SPIRE2: variants seen among roughly 807,000 people sequenced by gnomAD.
SPIRE2 encodes protein spire homolog 2.
Under a neutral mutation model 80.7 loss-of-function variants are expected in SPIRE2, and 76 were observed. The ratio of observed to expected loss-of-function variants is 0.94; its 90% CI spans 0.78 to 1.14. The LOEUF is 1.14. SPIRE2 is among the 50% of genes most tolerant of loss of function. The pLI is 0.00. For synonymous variants in SPIRE2, 535 were observed against 432.6 expected (o/e 1.24, Z -2.94); for missense variants, 1,196 against 1,015.3 (o/e 1.18, Z -2.42).
At chr16:89,855,026 C>T (rs1487882669) in intron 5 of SPIRE2, among the ~76,000 whole-genome samples, 1 of 152,128 alleles carries the variant, frequency 6.6e-6, no homozygotes, top group African/African-American at 2.4e-5. Context: ...GCAAGCTCCA[C>T]CTCCTGGGTT....
chr16:89,837,459 T>G (rs2041461120), intron 1 of SPIRE2, among the ~76,000 whole-genome samples: 1 of 152,196 alleles, frequency 6.6e-6, no homozygotes, highest in African/African-American at 2.4e-5. Flanking sequence ...ACAGGGGTGC[T>G]TCTTAGCCAG....
intron 1 of SPIRE2, among the ~76,000 whole-genome samples, chr16:89,836,755 G>A (rs996570657): frequency 4.6e-5 from 7 of 151,578 alleles, no homozygotes; most frequent in African/African-American, 1.5e-4. Flanking sequence ...CAAGGCAGGC[G>A]GATCACCTGA....
intron 1 of SPIRE2, among the ~76,000 whole-genome samples, chr16:89,835,400 T>C (rs2041438684): frequency 6.6e-6 from 1 of 152,130 alleles, no homozygotes; most frequent in Non-Finnish European, 1.5e-5. Context: ...TTCCAGGCCC[T>C]CCTACACCGA....
intron 1 of SPIRE2, among the ~76,000 whole-genome samples, chr16:89,832,646 C>T (rs1245635612): frequency 6.6e-6 from 1 of 152,112 alleles, no homozygotes; most frequent in Non-Finnish European, 1.5e-5. Flanking sequence ...AGCTCAGGCC[C>T]TGCTTCTATT....
intron 1 of SPIRE2, chr16:89,836,275 C>T (rs767929642): frequency 1.5e-5 from 7 of 456,028 alleles, no homozygotes; most frequent in South Asian, 9.3e-5. Context: ...GGACCCTCAA[C>T]TGCCACTGTA....
At chr16:89,831,308 T>C (rs1462175023) in intron 1 of SPIRE2, among the ~76,000 whole-genome samples, 1 of 151,060 alleles carries the variant, frequency 6.6e-6, no homozygotes, top group East Asian at 1.9e-4. Flanking sequence ...TCACCTGCCC[T>C]CTTCACCCTG....
chr16:89,831,728 G>A (rs1459565815), intron 1 of SPIRE2, among the ~76,000 whole-genome samples: 2 of 151,064 alleles, frequency 1.3e-5, no homozygotes, highest in Non-Finnish European at 3.0e-5. Flanking sequence ...GGCAGGCCCC[G>A]CTCTTTACGC....
Position 89,863,545 on chromosome 16 carries a change from G to A in SPIRE2, c.1645G>A (p.Val549Met). 6.2e-7 allele frequency: 1 copy of A among 1,614,110 alleles called. No individual in the cohort carries two copies. Among genetic ancestry groups the A allele is most frequent in the Non-Finnish European group, 8.5e-7 (1 of 1,180,042 alleles). ...GGTGATGGACGTGCGCCGTGTGCTG[G>A]TGAAGGCCGAGATGGAAAAGTTTTT... ...EEVMDVRRVL[V>M]KAEMEKFLQN... The change falls in exon 11 of 15, where the codon GTG becomes ATG. Residue 549 changes from valine (V) to methionine (M), a missense_variant. Physicochemically the swap from Val to Met is conservative, Grantham distance 21 (BLOSUM62 1). Coordinates refer to ENST00000378247, the MANE Select transcript of SPIRE2 (RefSeq NM_032451.2). This position sits in a 1 kb window ranked among gnomAD's most constrained non-coding sequence, Gnocchi z 4.3.
chr16:89,863,884 A>G lies in SPIRE2; in HGVS notation c.1778+23A>G. On this transcript the variant is annotated intron_variant, in intron 12 of 14. Transcript: ENST00000378247. This position sits in a 1 kb window ranked among gnomAD's most constrained non-coding sequence, Gnocchi z 4.3. The stretch of plus-strand genomic sequence containing the variant: ...GAGGTGAGCCTTCCCTTTAGCTGTC[A>G]GTTCACAAGGGAAGGAGGAGGCGAG... 6.2e-7 allele frequency: 1 copy of G among 1,600,894 alleles called. No homozygotes were observed. The highest frequency in any genetic ancestry group is 8.5e-7 in the Non-Finnish European group (1 of 1,170,740).
Position 89,828,705 on chromosome 16 carries a change from G to C in SPIRE2, c.155G>C (p.Arg52Pro). 2 of 1,274,234 alleles carry C rather than the reference G, an allele frequency of 1.6e-6. No homozygotes were observed. Among genetic ancestry groups the C allele is most frequent in the Non-Finnish European group, 2.0e-6 (2 of 1,006,970 alleles). 78.9% of individuals were successfully genotyped at this position (1,274,234 alleles called of 1,614,324 possible). ...TGCTTCCAGGGCTGCCGCGGGCTGC[G>C]GGGCTCGCCGGGCCGGCGCCTGCGG... ...AVCFQGCRGL[R>P]GSPGRRLRDT... is the part of the protein sequence containing the mutation. Residue 52 changes from arginine (R) to proline (P), a missense_variant, in exon 1 of 15, where the codon CGG becomes CCG. Transcript: ENST00000378247. This position sits in a 1 kb window ranked among gnomAD's most constrained non-coding sequence, Gnocchi z 5.9.
Position 89,828,736 on chromosome 16 carries a change from C to A in SPIRE2, c.186C>A (p.Thr62=), listed in dbSNP as rs1218074634. The change falls in exon 1 of 15, where the codon ACC becomes ACA. Residue 62 remains threonine (T), a synonymous_variant. Transcript: ENST00000378247. The surrounding 1 kb of genome is among the most constrained non-coding windows in gnomAD (Gnocchi z 5.9). Reference sequence around the variant, plus strand: ...CGCCGGGCCGGCGCCTGCGGGATACCGGGGACCTCCTGCTGCGCGGGGACG... The same window carrying A: ...CGCCGGGCCGGCGCCTGCGGGATACAGGGGACCTCCTGCTGCGCGGGGACG... The part of the protein sequence containing the change: ...RGSPGRRLRD[T]GDLLLRGDGS... The A allele has an allele frequency of 1.6e-6, 2 of 1,233,986 alleles. No individual in the cohort carries two copies. Among genetic ancestry groups the A allele is most frequent in the Non-Finnish European group, 2.0e-6 (2 of 985,842 alleles). The allele number at this position is 1,233,986 out of a possible 1,614,324, so 76.4% of individuals were successfully genotyped here. A position where few individuals can be genotyped will look rare whatever the true frequency, so the allele number is the denominator to read the frequency against.
intron 1 of SPIRE2, among the ~76,000 whole-genome samples, chr16:89,838,695 C>T (rs556686341): frequency 4.6e-5 from 7 of 152,326 alleles, no homozygotes; most frequent in African/African-American, 1.2e-4. Flanking sequence ...GACACTCGCA[C>T]ATCCACATGC....
intron 7 of SPIRE2, among the ~76,000 whole-genome samples, chr16:89,857,916 T>C (rs563580988): frequency 0.01 from 1,227 of 117,390 alleles, 14 homozygotes; most frequent in South Asian, 0.083. Flanking sequence ...AGAGTCTCGC[T>C]CTGTTGTCCA....
chr16:89,857,248 C>T (rs976843303), intron 7 of SPIRE2, among the ~76,000 whole-genome samples: 7 of 151,430 alleles, frequency 4.6e-5, no homozygotes, highest in Non-Finnish European at 8.8e-5. Context: ...GCAATCCTCC[C>T]ACCTCAGCCT....
intron 3 of SPIRE2, among the ~76,000 whole-genome samples, chr16:89,853,969 G>A (rs913216708): frequency 3.3e-5 from 5 of 152,270 alleles, no homozygotes; most frequent in South Asian, 2.1e-4. Flanking sequence ...ACTCAGAGAA[G>A]CAGCTCAGCG....
intron 2 of SPIRE2, 77 bp downstream of exon 2, chr16:89,845,442 C>A: frequency 7.7e-7 from 1 of 1,298,176 alleles, no homozygotes; most frequent in Non-Finnish European, 1.1e-6. Context: ...AATCATAAAA[C>A]ATATATAGTT....
chr16:89,830,464 A>G (rs764407988), intron 1 of SPIRE2, among the ~76,000 whole-genome samples: 6 of 151,358 alleles, frequency 4.0e-5, no homozygotes, highest in Admixed American at 2.0e-4. Flanking sequence ...TTTCTGTGCC[A>G]TCCTTGTGGT....
intron 14 of SPIRE2, 32 bp from the exon 15 acceptor site, chr16:89,870,018 C>T (rs1219353880): frequency 1.9e-6 from 3 of 1,588,538 alleles, no homozygotes; most frequent in African/African-American, 2.7e-5. Context: ...CTGGCTGGCT[C>T]CTCTCCCTGA....
At chr16:89,837,799 G>A (rs562916798) in intron 1 of SPIRE2, among the ~76,000 whole-genome samples, 1 of 152,178 alleles carries the variant, frequency 6.6e-6, no homozygotes, top group African/African-American at 2.4e-5. Context: ...TTTATGGAAC[G>A]AGTGGGTTGG....
Sources: allele counts gnomAD v4.1 joint callset (sites outside exome capture counted in the v4.1 genomes callset), GRCh38; gene constraint gnomAD v4.1.1; non-coding constraint Gnocchi (gnomAD v3.1); transcripts MANE v1.5; gene names NCBI Gene and HGNC (gene_info 2026-07-23, HGNC 2026-07-21).